Variants in CERS3 observed in about 807,000 individuals in gnomAD.
The protein encoded by CERS3 is ceramide synthase 3, also known as LAG1 homolog, ceramide synthase 3.
In CERS3, 33 loss-of-function variants were observed where a neutral mutation model predicts 50.3. The observed-to-expected ratio is 0.66, with a 90% CI of 0.50 to 0.88. CERS3 has a LOEUF of 0.88. Ranked by LOEUF, CERS3 falls within the 40% of genes least tolerant of loss-of-function variation. The probability of loss-of-function intolerance (pLI) is 0.00; values close to 1 mark genes in which losing one functional copy is unlikely to be tolerated. For missense variants in CERS3, 470 were observed against 460.3 expected, an observed-to-expected ratio of 1.02 and a Z score of -0.19; for synonymous variants, 176 against 155.2, an observed-to-expected ratio of 1.13 and a Z score of -0.99.
At chr15:100,442,269 C>T (rs567457290) in intron 11 of CERS3, among the ~76,000 whole-genome samples, 3 of 152,238 alleles carry the variant, frequency 2.0e-5, no homozygotes, top group South Asian at 4.1e-4. Flanking sequence ...TCAAAAGGGC[C>T]GTCTTATTCT....
upstream of CERS3, among the ~76,000 whole-genome samples, chr15:100,529,601 T>C (rs1406700745): frequency 6.6e-6 from 1 of 152,244 alleles, no homozygotes; most frequent in Non-Finnish European, 1.5e-5. Context: ...CTCTGTGTGC[T>C]TGAACCACTA....
At chr15:100,473,861 C>T (rs2035044370) in intron 8 of CERS3, among the ~76,000 whole-genome samples, 1 of 152,118 alleles carries the variant, frequency 6.6e-6, no homozygotes, top group Admixed American at 6.5e-5. Context: ...CTCATAACAG[C>T]CAAATGGAGG....
At chr15:100,492,993 C>G (rs2142304330) in intron 3 of CERS3, among the ~76,000 whole-genome samples, 1 of 152,252 alleles carries the variant, frequency 6.6e-6, no homozygotes, top group Non-Finnish European at 1.5e-5. Context: ...TCTTTGTGCT[C>G]TTGTCTCACA....
intron 2 of CERS3, among the ~76,000 whole-genome samples, chr15:100,506,230 A>G (rs942795005): frequency 6.6e-6 from 1 of 152,238 alleles, no homozygotes; most frequent in African/African-American, 2.4e-5. Context: ...TGTAAAGGAC[A>G]CTGACAACTC....
At chr15:100,479,339 AGT>A in intron 7 of CERS3, 87 bp downstream of exon 7, 1 of 964,308 alleles carries the variant, frequency 1.0e-6, no homozygotes. Context: ...GTGAACAAAG[AGT>A]AGCAGGGGAC....
chr15:100,424,317 T>C (rs994760117), intron 11 of CERS3, among the ~76,000 whole-genome samples: 7 of 152,286 alleles, frequency 4.6e-5, no homozygotes, highest in Admixed American at 1.3e-4. Context: ...GCTATAAAGA[T>C]ACCTGAAAAT....
At chr15:100,453,527 G>A (rs2034250712) in intron 11 of CERS3, among the ~76,000 whole-genome samples, 1 of 152,172 alleles carries the variant, frequency 6.6e-6, no homozygotes, top group African/African-American at 2.4e-5. Context: ...ATATATGACA[G>A]ATTCATAGCT....
At chr15:100,536,486 T>C (rs551446795) in intron 1 of CERS3, among the ~76,000 whole-genome samples, 6 of 152,320 alleles carry the variant, frequency 3.9e-5, no homozygotes, top group East Asian at 3.9e-4. Context: ...GGTTTCACCA[T>C]GTTGCCCAGG....
intron 2 of CERS3, among the ~76,000 whole-genome samples, chr15:100,520,816 A>G (rs192610908): frequency 2.0e-5 from 3 of 152,302 alleles, no homozygotes; most frequent in Non-Finnish European, 2.9e-5. Flanking sequence ...GTCAGCAAGC[A>G]CAGCTGGTGC....
Position 100,469,231 on chromosome 15 carries a change from G to A in CERS3, c.845+147C>T, listed in dbSNP as rs1268620698. 1.9e-5 allele frequency: 11 copies of A among 593,604 alleles called. No homozygotes were observed. In the East Asian group the frequency reaches 3.0e-4, roughly 16 times the overall value. The allele number at this position is 593,604 out of a possible 1,614,324, so 36.8% of individuals were successfully genotyped here. A position where few individuals can be genotyped will look rare whatever the true frequency, so the allele number is the denominator to read the frequency against. On this transcript the variant is annotated intron_variant, in intron 10 of 11. Coordinates refer to ENST00000679737, the MANE Select transcript of CERS3 (RefSeq NM_001378789.1). Reference sequence around the variant, plus strand: ...TGTTGTTTTAATTATTTATAAAAATGGCTCCATCACATTCTTTTCTCCAAC... The same window carrying A: ...TGTTGTTTTAATTATTTATAAAAATAGCTCCATCACATTCTTTTCTCCAAC...
intron 5 of CERS3, among the ~76,000 whole-genome samples, chr15:100,481,715 A>G (rs1210551697): frequency 6.6e-6 from 1 of 152,264 alleles, no homozygotes; most frequent in Non-Finnish European, 1.5e-5. Context: ...TGAAGCTAAG[A>G]AAGATCATAA....
At chr15:100,503,721 T>C (rs1049585958) in intron 2 of CERS3, 1 of 470,898 alleles carries the variant, frequency 2.1e-6, no homozygotes, top group African/African-American at 2.0e-5. Flanking sequence ...TGGCAGCTCT[T>C]CTGGCAGTGG....
intron 11 of CERS3, among the ~76,000 whole-genome samples, chr15:100,414,517 GAGTTCAAGTTAT>G (rs1193217902): frequency 1.3e-5 from 2 of 152,116 alleles, no homozygotes; most frequent in African/African-American, 4.8e-5. Context: ...CATGCTACCT[GAGTTCAAGTTAT>G]ACTACAAGGC....
intron 11 of CERS3, among the ~76,000 whole-genome samples, chr15:100,436,942 CTTTTTTT>C (rs755700746): frequency 7.7e-6 from 1 of 129,600 alleles, no homozygotes; most frequent in African/African-American, 2.9e-5. Flanking sequence ...TCTTTCCTGA[CTTTTTTT>C]TTTTTTTTTT....
At chr15:100,403,857 T>C (rs1016108403) in intron 11 of CERS3, among the ~76,000 whole-genome samples, 5 of 148,692 alleles carry the variant, frequency 3.4e-5, no homozygotes, top group Non-Finnish European at 6.0e-5. Context: ...TTCCAGAAAA[T>C]AGAAGAGGAG....
At chr15:100,478,567 A>C (rs556605920) in intron 7 of CERS3, among the ~76,000 whole-genome samples, 2 of 152,322 alleles carry the variant, frequency 1.3e-5, no homozygotes, top group South Asian at 4.1e-4. Flanking sequence ...AGCCAAAAAG[A>C]GAAAAAAGGC....
chr15:100,501,744 G>A lies in CERS3; in HGVS notation c.106C>T (p.Pro36Ser), dbSNP rs770746679. Residue 36 changes from proline (P) to serine (S), a missense_variant, in exon 3 of 12, where the codon CCT becomes TCT. Physicochemically the swap from Pro to Ser is moderately conservative, Grantham distance 74. Coordinates refer to ENST00000679737, the MANE Select transcript of CERS3 (RefSeq NM_001378789.1). Reference sequence around the variant, plus strand: ...GGAATTGTCACGTATAAATGAGAAGGTTTTACAAAGACGAGTCCATCGTGA... The same window carrying A: ...GGAATTGTCACGTATAAATGAGAAGATTTTACAAAGACGAGTCCATCGTGA... The part of the protein sequence containing the change: ...EDHDGLVFVK[P>S]SHLYVTIPYA... 2 of 1,613,902 alleles carry A rather than the reference G, an allele frequency of 1.2e-6. No homozygotes were observed. The highest frequency in any genetic ancestry group is 2.7e-5 in the African/African-American group (2 of 74,908).
chr15:100,490,727 A>C lies in CERS3; in HGVS notation c.288+90T>G, dbSNP rs759894415. 1.4e-5 allele frequency: 11 copies of C among 768,200 alleles called. No individual in the cohort carries two copies. In the African/African-American group the frequency reaches 1.9e-4, roughly 14 times the overall value. 47.6% of individuals were successfully genotyped at this position (768,200 alleles called of 1,614,324 possible). ...AGATCATTTGCTGGTCAACTAGAAT[A>C]GATTTCTTGCACACACAAGGTAAGC... On this transcript the variant is annotated intron_variant, in intron 4 of 11. Coordinates refer to ENST00000679737, the MANE Select transcript of CERS3 (RefSeq NM_001378789.1).
chr15:100,541,791 A>G (rs1364120158), intron 1 of CERS3, among the ~76,000 whole-genome samples: 1 of 152,202 alleles, frequency 6.6e-6, no homozygotes, highest in Non-Finnish European at 1.5e-5. Flanking sequence ...ATGTCACAAT[A>G]TTTAGATAAA....
Sources: allele counts gnomAD v4.1 joint callset (sites outside exome capture counted in the v4.1 genomes callset), GRCh38; gene constraint gnomAD v4.1.1; transcripts MANE v1.5; gene names NCBI Gene and HGNC (gene_info 2026-07-23, HGNC 2026-07-21).